WIZ: variants seen among roughly 807,000 people sequenced by gnomAD.
The protein encoded by WIZ is WIZ zinc finger, also known as protein Wiz.
A neutral mutation model predicts 140.2 loss-of-function variants in WIZ; 25 were observed. That is an observed-to-expected ratio of 0.18 (90% confidence interval 0.13 to 0.25). WIZ has a LOEUF of 0.25. Among genes scored for constraint, WIZ ranks in the 10% least tolerant of loss-of-function variants. WIZ has a pLI of 1.00. For missense variants in WIZ, 2,231 were observed against 2,632.6 expected (o/e 0.85, Z 3.34); for synonymous variants, 1,125 against 1,154.3 (o/e 0.97, Z 0.51).
intron 3 of WIZ, among the ~76,000 whole-genome samples, chr19:15,441,210 T>A (rs1969732762): frequency 6.6e-6 from 1 of 151,890 alleles, no homozygotes; most frequent in Admixed American, 6.6e-5. Context: ...TTTCCCTGCA[T>A]CTCCCCCTCC....
At chr19:15,433,153 C>T (rs1969378915) in intron 5 of WIZ, 1 of 789,430 alleles carries the variant, frequency 1.3e-6, no homozygotes, top group Non-Finnish European at 1.5e-6. Flanking sequence ...AGTCGGGGAT[C>T]CTGGAAAACA....
intron 5 of WIZ, among the ~76,000 whole-genome samples, chr19:15,431,566 C>A (rs1268032908): frequency 1.3e-5 from 2 of 152,146 alleles, no homozygotes; most frequent in Non-Finnish European, 2.9e-5. Context: ...CAACACAACA[C>A]CAGGGTCAGG....
At chr19:15,443,550 A>G (rs1969816640) in intron 2 of WIZ, among the ~76,000 whole-genome samples, 1 of 152,140 alleles carries the variant, frequency 6.6e-6, no homozygotes, top group South Asian at 2.1e-4. Flanking sequence ...TGCACCTGCT[A>G]TGCCTTCTGC....
chr19:15,449,736 C>T (rs1394174042), intron 1 of WIZ, 62 bp downstream of exon 1: 3 of 144,792 alleles, frequency 2.1e-5, no homozygotes, highest in Admixed American at 2.0e-4. Context: ...GGCCCGGGGC[C>T]TCCCCCGCCC....
At chr19:15,434,277 AAG>A (rs1969432469) in intron 5 of WIZ, among the ~76,000 whole-genome samples, 4 of 144,308 alleles carry the variant, frequency 2.8e-5, no homozygotes, top group Middle Eastern at 3.9e-3. Flanking sequence ...AAAAAAAAAA[AAG>A]GGCCAGGCGT....
At chr19:15,426,886 CCA>C in intron 9 of WIZ, 94 bp downstream of exon 9, 9 of 1,447,810 alleles carry the variant, frequency 6.2e-6, no homozygotes, top group South Asian at 1.4e-5. Flanking sequence ...GTCCTCCCTT[CCA>C]ATTCAACCCT....
chr19:15,430,647 G>A (rs1008598314), intron 6 of WIZ, among the ~76,000 whole-genome samples: 1 of 152,120 alleles, frequency 6.6e-6, no homozygotes, highest in Admixed American at 6.5e-5. Context: ...CCCAGGGCCC[G>A]TCACTAGTCA....
chr19:15,438,855 G>A lies in WIZ; in HGVS notation c.2139C>T (p.Gly713=), dbSNP rs754637561. 115 of 1,473,112 alleles carry A rather than the reference G, an allele frequency of 7.8e-5. No individual in the cohort carries two copies. Among genetic ancestry groups the A allele is most frequent in the Non-Finnish European group, 9.4e-5 (105 of 1,111,478 alleles). The allele number at this position is 1,473,112 out of a possible 1,614,324, so 91.3% of individuals were successfully genotyped here. The change falls in exon 4 of 13, where the codon GGC becomes GGT. Residue 713 remains glycine (G), a synonymous_variant. Transcript: ENST00000673675. ...RLQPEELGLA[G]AHPLDFLLLD... ...GGAGCAGGAAGTCCAGGGGGTGGGC[G>A]CCTGCCAGCCCCAGCTCCTCGGGCT...
chr19:15,438,151 C>A (rs1309750045), intron 4 of WIZ, among the ~76,000 whole-genome samples: 1 of 152,200 alleles, frequency 6.6e-6, no homozygotes, highest in African/African-American at 2.4e-5. Flanking sequence ...ACTGACAAAC[C>A]TTACAGGCAG....
In WIZ at chr19:15,428,542, C is replaced by T. The variant is rs1308047929; in HGVS notation, c.3416-34G>A. On this transcript the variant is annotated intron_variant, in intron 7 of 12. Transcript: ENST00000673675. This position sits in a 1 kb window ranked among gnomAD's most constrained non-coding sequence, Gnocchi z 6.4. ...ACAAAACACAGGGGGGGTTCACGGCCGCCACCTTGGCCGGCCTTGGGGGCC... is the reference window on the plus strand; with the variant it reads ...ACAAAACACAGGGGGGGTTCACGGCTGCCACCTTGGCCGGCCTTGGGGGCC... 15 of 1,534,378 alleles carry T rather than the reference C, an allele frequency of 9.8e-6. No homozygotes were observed. Among genetic ancestry groups the T allele is most frequent in the Non-Finnish European group, 1.3e-5 (15 of 1,146,500 alleles).
At position 15,429,883 on chromosome 19, in the gene WIZ, A is replaced by G; in HGVS notation, c.3118T>C (p.Ser1040Pro). Residue 1040 changes from serine to proline, a missense_variant, in exon 7 of 13, where the codon TCC (serine) becomes CCC (proline). Ser to Pro is a moderately conservative substitution (Grantham distance 74). Transcript: ENST00000673675. Reference protein sequence around the residue: ...LGLPPGLAKKSSSLKEVVAGA... With the variant: ...LGLPPGLAKKPSSLKEVVAGA... Reference sequence around the variant, plus strand: ...GCGACCACCTCCTTCAGTGAGCTGGACTTCTTAGCCAGGCCTGGGGGCAGC... The same window carrying G: ...GCGACCACCTCCTTCAGTGAGCTGGGCTTCTTAGCCAGGCCTGGGGGCAGC... The G allele has an allele frequency of 6.5e-7, 1 of 1,535,352 alleles. No individual in the cohort carries two copies. Among genetic ancestry groups the G allele is most frequent in the Non-Finnish European group, 8.7e-7 (1 of 1,146,470 alleles).
intron 6 of WIZ, 140 bp downstream of exon 6, chr19:15,430,872 G>A (rs1969188456): frequency 1.9e-6 from 2 of 1,079,796 alleles, no homozygotes; most frequent in Non-Finnish European, 2.6e-6. Flanking sequence ...ACAGCTGAGT[G>A]CCAACCTTGG....
At position 15,439,532 on chromosome 19, in the gene WIZ, C is replaced by T. The variant is rs761829209; in HGVS notation, c.1462G>A (p.Ala488Thr). ...LLREHVRLVH[A>T]HPHWEEDGEA... ...CCATCCTCCTCCCAGTGGGGATGGGCATGCACCAGCCTCACGTGCTCCCTG... is the reference window on the plus strand; with the variant it reads ...CCATCCTCCTCCCAGTGGGGATGGGTATGCACCAGCCTCACGTGCTCCCTG... Residue 488 changes from alanine (A) to threonine (T), a missense_variant, in exon 4 of 13, where the codon GCC becomes ACC. Physicochemically the swap from Ala to Thr is moderately conservative, Grantham distance 58. Coordinates refer to ENST00000673675, the MANE Select transcript of WIZ (RefSeq NM_001371589.1). The surrounding 1 kb of genome is among the most constrained non-coding windows in gnomAD (Gnocchi z 7.0). 10 of 1,528,136 alleles carry T rather than the reference C, an allele frequency of 6.5e-6. No homozygotes were observed. Among genetic ancestry groups the T allele is most frequent in the Non-Finnish European group, 8.8e-6 (10 of 1,142,514 alleles). 94.7% of individuals were successfully genotyped at this position (1,528,136 alleles called of 1,614,324 possible). A position where few individuals can be genotyped will look rare whatever the true frequency, so the allele number is the denominator to read the frequency against.
chr19:15,439,949 G>C lies in WIZ; in HGVS notation c.1045C>G (p.Leu349Val). ...CACTCCCCGCAGGCCAGCGGGGCCA[G>C]GTCCGCAGGGGGCTCCTGGCCCGGG... ...RAPGQEPPAD[L>V]APLACGECGW... Residue 349 changes from leucine (L) to valine (V), a missense_variant, in exon 4 of 13, where the codon CTG becomes GTG. By Grantham distance (32) the Leu-to-Val change is conservative. Transcript: ENST00000673675. The surrounding 1 kb of genome is among the most constrained non-coding windows in gnomAD (Gnocchi z 7.0). The C allele has an allele frequency of 6.5e-7, 1 of 1,535,236 alleles. No homozygotes were observed. The highest frequency in any genetic ancestry group is 8.7e-7 in the Non-Finnish European group (1 of 1,146,448).
rs1969991238 is a variant in WIZ, at chr19:15,448,315, T to C, written c.-8A>G. ...TGCCAGAGACCCCTCCATCGGATTTTCTCTGCTTGGATCCACTCAGCTGCT... is the reference window on the plus strand; with the variant it reads ...TGCCAGAGACCCCTCCATCGGATTTCCTCTGCTTGGATCCACTCAGCTGCT... On this transcript the variant is annotated 5_prime_UTR_variant, in exon 2 of 13. Transcript: ENST00000673675. The C allele has an allele frequency of 6.2e-7, 1 of 1,610,988 alleles. No individual in the cohort carries two copies. The highest frequency in any genetic ancestry group is 8.5e-7 in the Non-Finnish European group (1 of 1,179,820).
In WIZ at chr19:15,428,036, G is replaced by A; in HGVS notation, c.3814+74C>T. The A allele has an allele frequency of 1.3e-6, 2 of 1,510,310 alleles. No homozygotes were observed. Among genetic ancestry groups the A allele is most frequent in the South Asian group, 2.5e-5 (2 of 81,100 alleles). 93.6% of individuals were successfully genotyped at this position (1,510,310 alleles called of 1,614,324 possible). On this transcript the variant is annotated intron_variant, in intron 8 of 12. Coordinates refer to ENST00000673675, the MANE Select transcript of WIZ (RefSeq NM_001371589.1). This position sits in a 1 kb window ranked among gnomAD's most constrained non-coding sequence, Gnocchi z 6.4. Reference sequence around the variant, plus strand: ...GTCTACTCCCTGCCCCAGCAGGGAGGGGGCTGTGACCCCCCCCCCGGGAGG... The same window carrying A: ...GTCTACTCCCTGCCCCAGCAGGGAGAGGGCTGTGACCCCCCCCCCGGGAGG...
rs1229757225 is a variant in WIZ at position 15,428,718 on chromosome 19, G to A, written c.3416-210C>T. ...TCGAGGGGAGTGTAGAGAGCTTAAG[G>A]ACTTTGGGTAGACAGGCAGTGACCA... On this transcript the variant is annotated intron_variant, in intron 7 of 12. Coordinates refer to ENST00000673675, the MANE Select transcript of WIZ (RefSeq NM_001371589.1). This position sits in a 1 kb window ranked among gnomAD's most constrained non-coding sequence, Gnocchi z 6.4. Among the ~76,000 whole-genome samples, 2 of 152,158 alleles carry A rather than the reference G, an allele frequency of 1.3e-5. No homozygotes were observed. The highest frequency in any genetic ancestry group is 2.9e-5 in the Non-Finnish European group (2 of 68,020).
rs1030589680 is a variant in WIZ at position 15,436,930 on chromosome 19, G to T, written c.2616C>A (p.Ser872Arg). The T allele has an allele frequency of 2.5e-5, 40 of 1,613,534 alleles. No individual in the cohort carries two copies. Among genetic ancestry groups the T allele is most frequent in the Non-Finnish European group, 3.3e-5 (39 of 1,179,754 alleles). ...LATSAAEQPP[S>R]PLGREPGGPP... ...GACCCCCAGGCTCTCGGCCCAGGGG[G>T]CTGGGGGGCTGCTCAGCAGCAGAGG... Residue 872 changes from serine to arginine, a missense_variant, in exon 5 of 13, where the codon AGC becomes AGA. Around this residue, in one of 15 missense-constraint regions of WIZ, gnomAD observed 137 missense variants for 135.8 expected, o/e 1.01. Transcript: ENST00000673675.
Position 15,420,822 on chromosome 19 carries a change from T to C in WIZ, c.*2254A>G, listed in dbSNP as rs561004349. ...TCACATCTAGCCTATACCACTTTTA[T>C]ATTTCAAAAACTGACTTACGGGCCG... On this transcript the variant is annotated 3_prime_UTR_variant, in exon 13 of 13. Coordinates refer to ENST00000673675, the MANE Select transcript of WIZ (RefSeq NM_001371589.1). 2 of 152,350 alleles carry C rather than the reference T, an allele frequency of 1.3e-5. No homozygotes were observed. The highest frequency in any genetic ancestry group is 6.5e-5 in the Admixed American group (1 of 15,300). 9.4% of individuals were successfully genotyped at this position (152,350 alleles called of 1,614,324 possible). A position where few individuals can be genotyped will look rare whatever the true frequency, so the allele number is the denominator to read the frequency against.
Sources: allele counts gnomAD v4.1 joint callset (sites outside exome capture counted in the v4.1 genomes callset), GRCh38; gene constraint gnomAD v4.1.1; regional missense constraint gnomAD v4.1.1; non-coding constraint Gnocchi (gnomAD v3.1); transcripts MANE v1.5; gene names NCBI Gene and HGNC (gene_info 2026-07-23, HGNC 2026-07-21).